The following WFDC8 variants were observed in gnomAD, a reference collection of about 807,000 sequenced individuals.
WFDC8 encodes WAP four-disulfide core domain protein 8.
WFDC8 carries 24 observed loss-of-function variants against 27.0 expected under a neutral mutation model. The ratio of observed to expected loss-of-function variants is 0.89; its 90% confidence interval spans 0.64 to 1.25. WFDC8 has a LOEUF of 1.25. Among genes scored for constraint, WFDC8 ranks in the 50% most tolerant of loss-of-function variants. The pLI is 0.00. For missense variants in WFDC8, 287 were observed against 295.9 expected (o/e 0.97, Z 0.22); for synonymous variants, 106 against 99.7 (o/e 1.06, Z -0.38).
chr20:45,554,659 T>C (rs1293024030), intron 4 of WFDC8, among the ~76,000 whole-genome samples: 2 of 152,166 alleles, frequency 1.3e-5, no homozygotes, highest in African/African-American at 2.4e-5. Flanking sequence ...CTTGTCTTCC[T>C]GGGAGAGGAG....
chr20:45,571,773 C>T (rs1038515836), intron 1 of WFDC8, among the ~76,000 whole-genome samples: 4 of 152,166 alleles, frequency 2.6e-5, no homozygotes, highest in Admixed American at 2.0e-4. Flanking sequence ...GCATAATGTT[C>T]TTCATCTTCA....
intron 3 of WFDC8, among the ~76,000 whole-genome samples, chr20:45,557,424 A>G (rs908757789): frequency 2.6e-5 from 4 of 151,688 alleles, no homozygotes; most frequent in African/African-American, 9.7e-5. Flanking sequence ...GTTTTGCTTT[A>G]TTTTCTTTTG....
At chr20:45,554,161 TTTG>T (rs1980154206) in intron 4 of WFDC8, among the ~76,000 whole-genome samples, 2 of 151,374 alleles carry the variant, frequency 1.3e-5, no homozygotes, top group South Asian at 2.1e-4. Context: ...GCCTGTTTTT[TTTG>T]TTGTTGTGTT....
At chr20:45,572,990 G>A (rs1326430804) in intron 1 of WFDC8, among the ~76,000 whole-genome samples, 1 of 152,204 alleles carries the variant, frequency 6.6e-6, no homozygotes. Flanking sequence ...TCAAGTAAAT[G>A]GAGTGCCGTA....
At chr20:45,569,450 C>G (rs1319383771) in intron 1 of WFDC8, among the ~76,000 whole-genome samples, 3 of 152,012 alleles carry the variant, frequency 2.0e-5, no homozygotes, top group Non-Finnish European at 4.4e-5. Flanking sequence ...ATTGAAATAA[C>G]AAATGGATTT....
At chr20:45,576,970 T>A (rs1367925531) in intron 1 of WFDC8, among the ~76,000 whole-genome samples, 1 of 151,584 alleles carries the variant, frequency 6.6e-6, no homozygotes, top group East Asian at 1.9e-4. Context: ...GATTCTGTAC[T>A]TGCCAATTTG....
In WFDC8 at chr20:45,555,857, G is replaced by C; in HGVS notation, c.289C>G (p.Leu97Val). Residue 97 changes from leucine (L) to valine (V), a missense_variant, in exon 4 of 6, where the codon CTA becomes GTA. Physicochemically the swap from Leu to Val is conservative, Grantham distance 32 (BLOSUM62 1). Coordinates refer to ENST00000289953, the MANE Select transcript of WFDC8 (RefSeq NM_130896.3). ...TTACAGTTTCCATGCCTCACAGGTA[G>C]CATGCAGGGTTCTGAGGTCAGGAAG... ...CMDPFQEPCM[L>V]PVRHGNCNHE... 2 of 1,613,944 alleles carry C rather than the reference G, an allele frequency of 1.2e-6. No individual in the cohort carries two copies. The highest frequency in any genetic ancestry group is 2.7e-5 in the African/African-American group (2 of 75,036).
intron 1 of WFDC8, among the ~76,000 whole-genome samples, chr20:45,563,907 T>C (rs1436909121): frequency 1.3e-5 from 2 of 152,170 alleles, no homozygotes; most frequent in Admixed American, 6.5e-5. Flanking sequence ...GAAACACAGA[T>C]TAATAGAATT....
intron 1 of WFDC8, chr20:45,568,341 G>A (rs546895962): frequency 0.012 from 2,849 of 246,428 alleles, 108 homozygotes; most frequent in Admixed American, 0.09. Flanking sequence ...GTGTCTCAGA[G>A]AAGTCACTGT....
intron 4 of WFDC8, among the ~76,000 whole-genome samples, chr20:45,553,897 C>T (rs530471531): frequency 6.6e-6 from 1 of 152,160 alleles, no homozygotes; most frequent in Non-Finnish European, 1.5e-5. Context: ...GAGGCATCAA[C>T]TGTGATTGTG....
chr20:45,574,685 C>A (rs1489035052), intron 1 of WFDC8, among the ~76,000 whole-genome samples: 21 of 152,156 alleles, frequency 1.4e-4, no homozygotes, highest in Non-Finnish European at 2.9e-5. Flanking sequence ...ATAATCCCAG[C>A]TACTTGAGAG....
chr20:45,566,806 T>C (rs1444030745), intron 1 of WFDC8, among the ~76,000 whole-genome samples: 1 of 152,202 alleles, frequency 6.6e-6, no homozygotes, highest in Non-Finnish European at 1.5e-5. Context: ...TAAAATACAG[T>C]CACCCTTTGG....
intron 5 of WFDC8, among the ~76,000 whole-genome samples, chr20:45,552,772 G>A (rs1243653800): frequency 3.9e-5 from 6 of 152,194 alleles, no homozygotes; most frequent in African/African-American, 1.4e-4. Context: ...TGATGTGCAT[G>A]CTTTGAAGTT....
At chr20:45,556,543 G>A (rs765723811) in intron 3 of WFDC8, among the ~76,000 whole-genome samples, 1 of 152,146 alleles carries the variant, frequency 6.6e-6, no homozygotes, top group South Asian at 2.1e-4. Flanking sequence ...TTGAAGATGA[G>A]GAGCATTGTG....
At chr20:45,553,656 C>T (rs999797618) in intron 4 of WFDC8, among the ~76,000 whole-genome samples, 4 of 152,156 alleles carry the variant, frequency 2.6e-5, no homozygotes, top group African/African-American at 9.7e-5. Context: ...TATGGCCTGA[C>T]TCATGTTTTG....
chr20:45,565,343 C>G lies in WFDC8; in HGVS notation c.27-3124G>C, dbSNP rs574523231. ...CTTGTTCAGGCTGGGGTACCCATATCCCTCAGGATACAGGTAGATTTTCCA... is the reference window on the plus strand; with the variant it reads ...CTTGTTCAGGCTGGGGTACCCATATGCCTCAGGATACAGGTAGATTTTCCA... On this transcript the variant is annotated intron_variant, in intron 1 of 5. Coordinates refer to ENST00000289953, the MANE Select transcript of WFDC8 (RefSeq NM_130896.3). Among the ~76,000 whole-genome samples, 7 of 152,258 alleles carry G rather than the reference C, an allele frequency of 4.6e-5. No homozygotes were observed. In the East Asian group the frequency reaches 1.4e-3, roughly 29 times the overall value.
At chr20:45,561,748 G>A (rs368019432) in intron 2 of WFDC8, among the ~76,000 whole-genome samples, 55,080 of 150,020 alleles carry the variant, frequency 0.37, 10,421 homozygotes, top group Non-Finnish European at 0.42. Context: ...GCGTGTGTGT[G>A]TGTGTGTGTG....
chr20:45,573,719 G>A (rs1286375470), intron 1 of WFDC8, among the ~76,000 whole-genome samples: 4 of 152,108 alleles, frequency 2.6e-5, no homozygotes, highest in Non-Finnish European at 5.9e-5. Context: ...TGCAATAAGG[G>A]TTCAATTTTA....
intron 1 of WFDC8, among the ~76,000 whole-genome samples, chr20:45,578,923 A>G (rs1981137534): frequency 6.6e-6 from 1 of 152,088 alleles, no homozygotes; most frequent in Non-Finnish European, 1.5e-5. Context: ...CCTGGCCAAC[A>G]TGGTGAAACC....
Sources: allele counts gnomAD v4.1 joint callset (sites outside exome capture counted in the v4.1 genomes callset), GRCh38; gene constraint gnomAD v4.1.1; transcripts MANE v1.5; gene names NCBI Gene and HGNC (gene_info 2026-07-23, HGNC 2026-07-21).